The following CPNE4 variants were observed in gnomAD, a reference collection of about 807,000 sequenced individuals.
CPNE4 encodes copine 4.
A neutral mutation model predicts 67.9 loss-of-function variants in CPNE4; 25 were observed. The ratio of observed to expected loss-of-function variants is 0.37; its 90% CI spans 0.27 to 0.51. The LOEUF (loss-of-function observed/expected upper bound fraction) is 0.51, where lower values mean the gene tolerates loss of function less well. CPNE4 is among the 20% of genes least tolerant of loss of function. The pLI, the probability that CPNE4 is intolerant of heterozygous loss-of-function variation, is 0.93. For synonymous variants in CPNE4, 242 were observed against 244.9 expected (o/e 0.99, Z 0.11); for missense variants, 464 against 690.8 (o/e 0.67, Z 3.68).
chr3:131,702,275 T>C (rs1195248138), intron 3 of CPNE4, among the ~76,000 whole-genome samples: 3 of 152,228 alleles, frequency 2.0e-5, no homozygotes, highest in South Asian at 4.1e-4. Flanking sequence ...TTACAGATGC[T>C]TTATTCATTC....
intron 1 of CPNE4, among the ~76,000 whole-genome samples, chr3:131,977,605 C>A (rs1017470594): frequency 1.3e-5 from 2 of 152,016 alleles, no homozygotes; most frequent in Non-Finnish European, 2.9e-5. Flanking sequence ...ATAGAAACCA[C>A]TGCTATGGTA....
intron 2 of CPNE4, among the ~76,000 whole-genome samples, chr3:131,753,339 G>GT: frequency 6.6e-6 from 1 of 152,060 alleles, no homozygotes. Flanking sequence ...GAAAATCTTT[G>GT]TAACTACACA....
Position 131,944,961 on chromosome 3 carries a change from C to G in CPNE4, c.-1-39517G>C, listed in dbSNP as rs569460451. On this transcript the variant is annotated intron_variant, in intron 1 of 15. Transcript: ENST00000429747. ...ACAGCTTTATAGAATATAGAGTGTT[C>G]ATGCAGTCCCTAGTTCCAAAAATTG... is the stretch of plus-strand genomic sequence containing the variant. Among the ~76,000 whole-genome samples the G allele has an allele frequency of 2.3e-3, 352 of 152,206 alleles. 3 individuals carry two copies. Among genetic ancestry groups the G allele is most frequent in the African/African-American group, 8.3e-3 (343 of 41,538 alleles).
chr3:131,770,119 T>G (rs1180541475), intron 2 of CPNE4, among the ~76,000 whole-genome samples: 1 of 152,174 alleles, frequency 6.6e-6, no homozygotes, highest in East Asian at 1.9e-4. Context: ...CAGCACAAAA[T>G]GTATTCTGCA....
chr3:131,773,187 G>C (rs1317842128), intron 2 of CPNE4, among the ~76,000 whole-genome samples: 1 of 152,076 alleles, frequency 6.6e-6, no homozygotes, highest in Non-Finnish European at 1.5e-5. Context: ...GCCACGGTTT[G>C]TTAGGCCAGC....
rs554976316 is a variant in CPNE4 at position 131,809,821 on chromosome 3, T to C, written c.181-86196A>G. 3.9e-5 allele frequency among the ~76,000 whole-genome samples: 6 copies of C among 152,250 alleles called. 1 individual carries two copies. In the South Asian group the frequency reaches 1.2e-3, roughly 32 times the overall value. On this transcript the variant is annotated intron_variant, in intron 2 of 15. Coordinates refer to ENST00000429747, the MANE Select transcript of CPNE4 (RefSeq NM_130808.3). ...GGGACCAGGCTAAAAAAGCTGACAG[T>C]ATTTCTTAAGGGTCATCAATTATCT...
intron 2 of CPNE4, among the ~76,000 whole-genome samples, chr3:131,805,299 G>C (rs544966187): frequency 6.6e-6 from 1 of 152,168 alleles, no homozygotes; most frequent in African/African-American, 2.4e-5. Flanking sequence ...GGGAGCTCTC[G>C]TGCTTCCCAT....
intron 1 of CPNE4, among the ~76,000 whole-genome samples, chr3:131,919,201 G>A (rs973182505): frequency 4.6e-5 from 7 of 152,212 alleles, no homozygotes; most frequent in African/African-American, 1.7e-4. Flanking sequence ...GAATAGTGAA[G>A]AGGATTGATG....
At chr3:131,965,503 A>G (rs2072317269) in intron 1 of CPNE4, among the ~76,000 whole-genome samples, 2 of 152,242 alleles carry the variant, frequency 1.3e-5, no homozygotes, top group African/African-American at 4.8e-5. Context: ...AGACACACAT[A>G]GGCTCAAAAT....
chr3:131,910,984 G>A (rs1347782429), intron 1 of CPNE4, among the ~76,000 whole-genome samples: 1 of 152,190 alleles, frequency 6.6e-6, no homozygotes, highest in Non-Finnish European at 1.5e-5. Context: ...TAGGAGTGGT[G>A]TGGCAGACAG....
chr3:132,013,238 T>G (rs2073814711), intron 1 of CPNE4, among the ~76,000 whole-genome samples: 1 of 151,982 alleles, frequency 6.6e-6, no homozygotes, highest in African/African-American at 2.4e-5. Context: ...TAAAAGAAAA[T>G]AAAAAGAATT....
At chr3:131,846,767 C>T (rs932862816) in intron 2 of CPNE4, among the ~76,000 whole-genome samples, 2 of 152,168 alleles carry the variant, frequency 1.3e-5, no homozygotes, top group African/African-American at 4.8e-5. Flanking sequence ...ATGTCTTTTA[C>T]ACTGGTAAAC....
chr3:131,835,664 C>T (rs139067086), intron 2 of CPNE4, among the ~76,000 whole-genome samples: 300 of 152,274 alleles, frequency 2.0e-3, no homozygotes, highest in African/African-American at 7.1e-3. Flanking sequence ...TCTCACTCCC[C>T]ACCAGCCTAT....
At chr3:131,902,495 G>C (rs1174129287) in intron 2 of CPNE4, among the ~76,000 whole-genome samples, 1 of 151,934 alleles carries the variant, frequency 6.6e-6, no homozygotes, top group African/African-American at 2.4e-5. Context: ...CTTAAAATAG[G>C]GTATATCTGG....
chr3:131,657,644 C>T (rs6767373), intron 7 of CPNE4, among the ~76,000 whole-genome samples: 79,120 of 149,694 alleles, frequency 0.53, 21,523 homozygotes, highest in East Asian at 0.8. Flanking sequence ...AAGAGATTCT[C>T]CTGCCTCAGC....
At chr3:131,907,150 G>A (rs1228266562) in intron 1 of CPNE4, among the ~76,000 whole-genome samples, 1 of 152,108 alleles carries the variant, frequency 6.6e-6, no homozygotes. Flanking sequence ...TTGCATCCCA[G>A]AGCCCCAGTG....
At chr3:131,657,461 T>C (rs1910258) in intron 7 of CPNE4, among the ~76,000 whole-genome samples, 50,278 of 151,862 alleles carry the variant, frequency 0.33, 8,704 homozygotes, top group African/African-American at 0.4. Context: ...CAAGATATAC[T>C]GTGGCTCACC....
intron 2 of CPNE4, among the ~76,000 whole-genome samples, chr3:131,891,814 A>T (rs1011423815): frequency 1.3e-5 from 2 of 152,086 alleles, no homozygotes; most frequent in African/African-American, 4.8e-5. Flanking sequence ...TTCTTTATCC[A>T]GTCTATCATC....
chr3:131,949,144 T>C (rs1017018349), intron 1 of CPNE4, among the ~76,000 whole-genome samples: 1 of 152,206 alleles, frequency 6.6e-6, no homozygotes, highest in Admixed American at 6.5e-5. Flanking sequence ...GCTAAATAAA[T>C]GGTAGTACCC....
Sources: allele counts gnomAD v4.1 joint callset (sites outside exome capture counted in the v4.1 genomes callset), GRCh38; gene constraint gnomAD v4.1.1; transcripts MANE v1.5; gene names NCBI Gene and HGNC (gene_info 2026-07-23, HGNC 2026-07-21).